Variants in CERS3 observed in about 807,000 individuals in gnomAD.
CERS3 encodes LAG1 homolog, ceramide synthase 3.
Under a neutral mutation model 50.3 loss-of-function variants are expected in CERS3, and 33 were observed. That is an observed-to-expected ratio of 0.66 (90% CI 0.50 to 0.88). The LOEUF (loss-of-function observed/expected upper bound fraction) is 0.88, where lower values mean the gene tolerates loss of function less well. Ranked by LOEUF, CERS3 falls within the 40% of genes least tolerant of loss-of-function variation. The pLI, the probability that CERS3 is intolerant of heterozygous loss-of-function variation, is 0.00. For synonymous variants in CERS3, 176 were observed against 155.2 expected (o/e 1.13, Z -0.99); for missense variants, 470 against 460.3 (o/e 1.02, Z -0.19).
intron 10 of CERS3, among the ~76,000 whole-genome samples, chr15:100,468,465 C>T (rs8028803): frequency 0.43 from 65,276 of 151,948 alleles, 14,718 homozygotes; most frequent in Middle Eastern, 0.52. Flanking sequence ...CAGGAAAGGG[C>T]ATTGACCTCT....
At chr15:100,406,965 A>G (rs146458510) in intron 11 of CERS3, among the ~76,000 whole-genome samples, 58 of 151,702 alleles carry the variant, frequency 3.8e-4, no homozygotes, top group African/African-American at 1.3e-3. Flanking sequence ...GTGCAGGGGA[A>G]CTCCTCTTTT....
At chr15:100,458,318 C>T (rs1019110111) in intron 10 of CERS3, among the ~76,000 whole-genome samples, 4 of 152,174 alleles carry the variant, frequency 2.6e-5, no homozygotes, top group South Asian at 2.1e-4. Context: ...GGTGCAGTGG[C>T]TCATGCCTGT....
intron 11 of CERS3, among the ~76,000 whole-genome samples, chr15:100,420,627 A>G (rs1479960374): frequency 6.6e-6 from 1 of 151,524 alleles, no homozygotes; most frequent in African/African-American, 2.4e-5. Context: ...GAGACACAAC[A>G]AAAAAAGAGA....
chr15:100,488,550 G>A (rs1294855587), intron 4 of CERS3, among the ~76,000 whole-genome samples: 4 of 152,106 alleles, frequency 2.6e-5, no homozygotes, highest in Admixed American at 1.3e-4. Context: ...TTCTGTATCT[G>A]CAATTGCTAT....
intron 3 of CERS3, among the ~76,000 whole-genome samples, chr15:100,498,194 A>G (rs914021255): frequency 1.3e-5 from 2 of 152,106 alleles, no homozygotes; most frequent in Non-Finnish European, 2.9e-5. Context: ...GCGCCCGGCC[A>G]AAAAATAACA....
chr15:100,533,033 C>A (rs1401194323), upstream of CERS3, among the ~76,000 whole-genome samples: 1 of 152,222 alleles, frequency 6.6e-6, no homozygotes, highest in African/African-American at 2.4e-5. Flanking sequence ...CCGCTCCACT[C>A]CGCTTCCACA....
intron 2 of CERS3, 43 bp from the exon 3 acceptor site, chr15:100,501,893 G>A (rs745873914): frequency 4.9e-5 from 77 of 1,584,034 alleles, no homozygotes; most frequent in Non-Finnish European, 6.1e-5. Context: ...AAACAAACAC[G>A]TAACTTTAGG....
At chr15:100,402,920 GTAAA>G in intron 11 of CERS3, 55 bp from the exon 12 acceptor site, 1 of 1,527,322 alleles carries the variant, frequency 6.5e-7, no homozygotes. Flanking sequence ...AGAGTCTTGA[GTAAA>G]TCTGCCAACA....
intron 5 of CERS3, among the ~76,000 whole-genome samples, chr15:100,482,351 T>C (rs957838767): frequency 6.6e-6 from 1 of 151,960 alleles, no homozygotes; most frequent in Non-Finnish European, 1.5e-5. Flanking sequence ...CAGGGAGGAA[T>C]GGGCAGAGTG....
At chr15:100,454,014 T>C (rs1345690271) in intron 11 of CERS3, among the ~76,000 whole-genome samples, 1 of 152,208 alleles carries the variant, frequency 6.6e-6, no homozygotes, top group Non-Finnish European at 1.5e-5. Context: ...AGACAGCCCA[T>C]GCTCATGGAT....
chr15:100,475,315 A>C (rs1462330148), intron 8 of CERS3, among the ~76,000 whole-genome samples: 1 of 152,226 alleles, frequency 6.6e-6, no homozygotes, highest in African/African-American at 2.4e-5. Context: ...ACTCAACACA[A>C]ACATTTAATC....
chr15:100,465,040 C>T (rs1024005377), intron 10 of CERS3, among the ~76,000 whole-genome samples: 1 of 152,124 alleles, frequency 6.6e-6, no homozygotes, highest in Non-Finnish European at 1.5e-5. Context: ...AAGGGAAATG[C>T]ACACACTCCA....
At chr15:100,526,478 C>CTGTGTGTGTGTGTGTG (rs1217852084) in intron 1 of CERS3, among the ~76,000 whole-genome samples, 14,656 of 131,328 alleles carry the variant, frequency 0.11, 1,071 homozygotes, top group Middle Eastern at 0.13. Context: ...CCTACATAAA[C>CTGTGTGTGTGTGTGTG]TGTGTGTGTG....
intron 2 of CERS3, among the ~76,000 whole-genome samples, chr15:100,513,488 G>A (rs1349742948): frequency 2.0e-5 from 3 of 151,830 alleles, no homozygotes; most frequent in Non-Finnish European, 4.4e-5. Context: ...CAACTGTGAG[G>A]GGTCTGCTTT....
chr15:100,515,776 T>A (rs1244672935), intron 2 of CERS3, among the ~76,000 whole-genome samples: 1 of 152,184 alleles, frequency 6.6e-6, no homozygotes, highest in Non-Finnish European at 1.5e-5. Flanking sequence ...TTTAGGAATG[T>A]AAAATGTAAG....
At chr15:100,542,452 C>T (rs2037223764) in intron 1 of CERS3, among the ~76,000 whole-genome samples, 1 of 152,200 alleles carries the variant, frequency 6.6e-6, no homozygotes, top group South Asian at 2.1e-4. Flanking sequence ...TGACCGTTCT[C>T]ACATATTGGA....
Position 100,493,853 on chromosome 15 carries a change from T to G in CERS3, c.174-2922A>C, listed in dbSNP as rs551147510. ...TTGGTTCTTTGTTATAATTTATAGT[T>G]TCAATTACTTTATTGATGTTCTTGA... On this transcript the variant is annotated intron_variant, in intron 3 of 11. Transcript: ENST00000679737. 9.8e-5 allele frequency among the ~76,000 whole-genome samples: 15 copies of G among 152,290 alleles called. No individual in the cohort carries two copies. In the South Asian group the frequency reaches 2.5e-3, roughly 25 times the overall value.
chr15:100,476,172 G>A lies in CERS3; in HGVS notation c.523C>T (p.Leu175=). 6.4e-7 allele frequency: 1 copy of A among 1,563,274 alleles called. No homozygotes were observed. The highest frequency in any genetic ancestry group is 2.4e-5 in the East Asian group (1 of 41,088). Residue 175 remains leucine (L), a synonymous_variant, in exon 8 of 12, where the codon CTG becomes TTG. Transcript: ENST00000679737. ...ATGTAGTACCAGTACTGGGATGGCA[G>A]CAGGGGCTGAGGAAAAGAAGAGTAT... is the stretch of plus-strand genomic sequence containing the variant. ...VWNGYPKQPL[L]PSQYWYYILE...
rs2030949962 is a variant in CERS3 at position 100,405,520 on chromosome 15, C to T, written c.1000-2655G>A. Among the ~76,000 whole-genome samples, 2 of 152,184 alleles carry T rather than the reference C, an allele frequency of 1.3e-5. 1 individual carries two copies. The highest frequency in any genetic ancestry group is 4.1e-4 in the South Asian group (2 of 4,834). ...GCTCCTAACAATAAAAAGGAACAAA[C>T]TGTTGACATTTATAAGAAGTTTGAT... On this transcript the variant is annotated intron_variant, in intron 11 of 11. Coordinates refer to ENST00000679737, the MANE Select transcript of CERS3 (RefSeq NM_001378789.1).
Sources: gnomAD v4.1 joint callset for allele counts (sites outside exome capture counted in the v4.1 genomes callset) on GRCh38, gnomAD v4.1.1 for gene constraint, MANE v1.5 for transcripts, NCBI Gene and HGNC (gene_info 2026-07-23, HGNC 2026-07-21) for gene names.